The following SMOC1 variants were observed in gnomAD, a reference collection of about 807,000 sequenced individuals.
The protein encoded by SMOC1 is SPARC-related modular calcium-binding protein 1.
SMOC1 carries 22 observed loss-of-function variants against 56.3 expected under a neutral mutation model. That is an observed-to-expected ratio of 0.39 (90% CI 0.28 to 0.56). The LOEUF (loss-of-function observed/expected upper bound fraction) is 0.56, where lower values mean the gene tolerates loss of function less well. Ranked by LOEUF, SMOC1 falls within the 20% of genes least tolerant of loss-of-function variation. SMOC1 has a pLI of 0.61. For synonymous variants in SMOC1, 193 were observed against 215.0 expected, an observed-to-expected ratio of 0.90 and a Z score of 0.89; for missense variants, 509 against 565.4, an observed-to-expected ratio of 0.90 and a Z score of 1.01.
At chr14:69,943,620 C>A (rs566362721) in intron 1 of SMOC1, among the ~76,000 whole-genome samples, 1 of 152,318 alleles carries the variant, frequency 6.6e-6, no homozygotes, top group East Asian at 1.9e-4. Context: ...CGCAGCTAGA[C>A]GTCTGGAATG....
chr14:69,911,473 C>T (rs1369274810), intron 1 of SMOC1, among the ~76,000 whole-genome samples: 1 of 152,214 alleles, frequency 6.6e-6, no homozygotes, highest in Non-Finnish European at 1.5e-5. Flanking sequence ...GCAGTTCCAT[C>T]CTTGCTCCGC....
chr14:69,908,705 A>G (rs1301498370), intron 1 of SMOC1, among the ~76,000 whole-genome samples: 1 of 152,066 alleles, frequency 6.6e-6, no homozygotes, highest in African/African-American at 2.4e-5. Flanking sequence ...GTGCTCTCTG[A>G]CAGGTCTTCC....
intron 5 of SMOC1, among the ~76,000 whole-genome samples, chr14:69,980,268 G>T (rs1884129830): frequency 6.6e-6 from 1 of 152,172 alleles, no homozygotes; most frequent in African/African-American, 2.4e-5. Flanking sequence ...CATCTCAGAG[G>T]GATAAGCTGC....
intron 1 of SMOC1, among the ~76,000 whole-genome samples, chr14:69,911,557 C>A (rs1594797839): frequency 6.6e-6 from 1 of 152,294 alleles, no homozygotes; most frequent in East Asian, 1.9e-4. Flanking sequence ...GGTCTGTTTT[C>A]TTTCTCTAGA....
At position 69,985,649 on chromosome 14, in the gene SMOC1, A is replaced by G. The variant is rs375044668; in HGVS notation, c.527-6768A>G. ...GAGCCATTCTGAGTAGTGTGATGCA[A>G]TCTCACACTGTCCTGCTCCCTCCCA... is the stretch of plus-strand genomic sequence containing the variant. On this transcript the variant is annotated intron_variant, in intron 5 of 11. Transcript: ENST00000361956. Among the ~76,000 whole-genome samples the G allele has an allele frequency of 8.3e-4, 127 of 152,330 alleles. 6 individuals are homozygous for G. The South Asian group carries it at 0.024, about 29-fold the overall frequency.
intron 1 of SMOC1, among the ~76,000 whole-genome samples, chr14:69,923,341 TTTAA>T (rs535229532): frequency 1.2e-3 from 188 of 152,320 alleles, no homozygotes; most frequent in Middle Eastern, 0.01. Context: ...TTTTAAATTA[TTTAA>T]TTATTTCTAC....
chr14:69,928,614 T>C (rs1030703372), intron 1 of SMOC1, among the ~76,000 whole-genome samples: 12 of 62,750 alleles, frequency 1.9e-4, no homozygotes, highest in South Asian at 1.4e-3. Context: ...GAGGTGCTCA[T>C]TGGGGGGGGG....
At chr14:69,899,991 A>G (rs1884200269) in intron 1 of SMOC1, among the ~76,000 whole-genome samples, 1 of 152,114 alleles carries the variant, frequency 6.6e-6, no homozygotes, top group Admixed American at 6.5e-5. Flanking sequence ...TCAGCTTTTT[A>G]CTTGTTGTTA....
At chr14:70,023,667 A>G (rs746011559) in intron 11 of SMOC1, among the ~76,000 whole-genome samples, 1 of 152,210 alleles carries the variant, frequency 6.6e-6, no homozygotes, top group Non-Finnish European at 1.5e-5. Flanking sequence ...AAGCACTCAC[A>G]TGAGCTGTGA....
intron 11 of SMOC1, among the ~76,000 whole-genome samples, chr14:70,029,346 C>T (rs1240630513): frequency 2.6e-5 from 4 of 152,124 alleles, no homozygotes; most frequent in South Asian, 2.1e-4. Flanking sequence ...TTCTGTGACT[C>T]GGGGAACCAA....
At chr14:69,966,955 C>G (rs777699275) in intron 3 of SMOC1, among the ~76,000 whole-genome samples, 7 of 152,186 alleles carry the variant, frequency 4.6e-5, no homozygotes, top group Non-Finnish European at 7.3e-5. Context: ...ATCTGGCCTC[C>G]TTCTTCTGAG....
intron 1 of SMOC1, among the ~76,000 whole-genome samples, chr14:69,950,961 T>TG (rs1882975010): frequency 1.3e-5 from 2 of 152,230 alleles, no homozygotes; most frequent in African/African-American, 4.8e-5. Flanking sequence ...GTTCTGACTT[T>TG]GGGGTCTCTC....
intron 3 of SMOC1, among the ~76,000 whole-genome samples, chr14:69,962,439 C>T (rs1430410382): frequency 6.6e-6 from 1 of 152,232 alleles, no homozygotes; most frequent in East Asian, 1.9e-4. Flanking sequence ...GCTGGGATTA[C>T]AGGCGTGAGC....
chr14:69,888,460 C>T (rs892145666), intron 1 of SMOC1, among the ~76,000 whole-genome samples: 1 of 152,180 alleles, frequency 6.6e-6, no homozygotes, highest in African/African-American at 2.4e-5. Flanking sequence ...AATGGGGCAG[C>T]CTCTCTAAGA....
chr14:70,005,173 A>G (rs577032550), intron 7 of SMOC1, among the ~76,000 whole-genome samples: 2 of 152,308 alleles, frequency 1.3e-5, no homozygotes, highest in Admixed American at 1.3e-4. Context: ...TGCTTTAAAC[A>G]AAAAAAGAAG....
intron 1 of SMOC1, among the ~76,000 whole-genome samples, chr14:69,936,742 GTTT>G (rs1271523288): frequency 6.6e-6 from 1 of 152,152 alleles, no homozygotes; most frequent in Non-Finnish European, 1.5e-5. Context: ...TAAAACAGGT[GTTT>G]TTTAGGAAAC....
At chr14:69,887,334 G>A (rs1883837016) in intron 1 of SMOC1, among the ~76,000 whole-genome samples, 1 of 152,170 alleles carries the variant, frequency 6.6e-6, no homozygotes, top group South Asian at 2.1e-4. Context: ...TACAGATTCA[G>A]GGTGAAGTTA....
intron 1 of SMOC1, among the ~76,000 whole-genome samples, chr14:69,938,494 G>T (rs576220450): frequency 8.8e-6 from 1 of 113,612 alleles, no homozygotes; most frequent in South Asian, 2.5e-4. Context: ...TGAGAAAGGA[G>T]ACCCAGCAAG....
chr14:69,879,788 C>A lies in SMOC1; in HGVS notation c.99+11C>A, dbSNP rs779386346. The A allele has an allele frequency of 7.0e-6, 11 of 1,579,268 alleles. No individual in the cohort carries two copies. The highest frequency in any genetic ancestry group is 9.4e-6 in the Non-Finnish European group (11 of 1,169,936). On this transcript the variant is annotated intron_variant, in intron 1 of 11. Coordinates refer to ENST00000361956, the MANE Select transcript of SMOC1 (RefSeq NM_001034852.3). ...ACCACAGGCCCCAGGGTAAGTGCGC[C>A]CCCAGCTTTGCGCCCACCTGCGGAG...
Sources: allele counts gnomAD v4.1 joint callset (sites outside exome capture counted in the v4.1 genomes callset), GRCh38; gene constraint gnomAD v4.1.1; transcripts MANE v1.5; gene names NCBI Gene and HGNC (gene_info 2026-07-23, HGNC 2026-07-21).